The following STXBP5L variants were observed in gnomAD, a reference collection of about 807,000 sequenced individuals.
STXBP5L encodes the protein syntaxin binding protein 5L.
STXBP5L carries 65 observed loss-of-function variants against 144.5 expected under a neutral mutation model. The ratio of observed to expected loss-of-function variants is 0.45; its 90% CI spans 0.37 to 0.55. STXBP5L has a LOEUF of 0.55. Among genes scored for constraint, STXBP5L ranks in the 20% least tolerant of loss-of-function variants. The pLI is 0.00. For synonymous variants in STXBP5L, 505 were observed against 469.6 expected (o/e 1.08, Z -0.97); for missense variants, 1,298 against 1,405.5 (o/e 0.92, Z 1.22).
At chr3:121,293,023 T>C (rs2051502787) in intron 19 of STXBP5L, among the ~76,000 whole-genome samples, 1 of 151,948 alleles carries the variant, frequency 6.6e-6, no homozygotes, top group Non-Finnish European at 1.5e-5. Context: ...TAAAAACCTA[T>C]TAAAACGAAA....
At chr3:121,399,970 T>C (rs1223109028) in intron 22 of STXBP5L, among the ~76,000 whole-genome samples, 1 of 152,236 alleles carries the variant, frequency 6.6e-6, no homozygotes, top group Non-Finnish European at 1.5e-5. Flanking sequence ...TCAGTAGGTC[T>C]GAGGGAGGGT....
chr3:121,099,790 C>A (rs2043319357), intron 5 of STXBP5L: 1 of 152,136 alleles, frequency 6.6e-6, no homozygotes, highest in African/African-American at 2.4e-5. Flanking sequence ...AAATGCCCCA[C>A]TTAAAAGGCA....
intron 4 of STXBP5L, 77 bp downstream of exon 4, chr3:121,041,858 TA>T: frequency 1.0e-6 from 1 of 961,978 alleles, no homozygotes; most frequent in Admixed American, 1.9e-5. Context: ...ATCTTTTAAA[TA>T]CTGTGATTCT....
In STXBP5L at chr3:121,257,305, G is replaced by A. The variant is rs373758045; in HGVS notation, c.1804G>A (p.Val602Ile). The change falls in exon 17 of 27, where the codon GTA becomes ATA. Residue 602 changes from valine (V) to isoleucine (I), a missense_variant. By Grantham distance (29) the Val-to-Ile change is conservative. Coordinates refer to ENST00000471454, the MANE Select transcript of STXBP5L (RefSeq NM_001308330.2). ...CACTAACACTGTTGCTAGTGAAGGA[G>A]TAACAAAGGACAGTATTCCATGCCT... Reference protein sequence around the residue: ...GSTNTVASEGVTKDSIPCLNV... With the variant: ...GSTNTVASEGITKDSIPCLNV... 3.7e-5 allele frequency: 59 copies of A among 1,613,176 alleles called. No homozygotes were observed. The highest frequency in any genetic ancestry group is 4.8e-5 in the Non-Finnish European group (57 of 1,179,530).
chr3:121,067,642 G>C (rs941258063), intron 5 of STXBP5L, among the ~76,000 whole-genome samples: 3 of 152,082 alleles, frequency 2.0e-5, no homozygotes, highest in African/African-American at 7.2e-5. Flanking sequence ...TAATTGTGTT[G>C]TTAGATCTGT....
chr3:120,982,506 G>A (rs1028477271), intron 3 of STXBP5L, among the ~76,000 whole-genome samples: 4 of 152,178 alleles, frequency 2.6e-5, no homozygotes, highest in African/African-American at 9.7e-5. Flanking sequence ...CCCTGTCCCA[G>A]GGCTCATGAC....
intron 13 of STXBP5L, among the ~76,000 whole-genome samples, chr3:121,239,399 TATACTA>T (rs1314132615): frequency 4.0e-5 from 6 of 150,590 alleles, no homozygotes; most frequent in South Asian, 2.1e-4. Context: ...AGTATGTACT[TATACTA>T]ATATATATTT....
intron 11 of STXBP5L, among the ~76,000 whole-genome samples, chr3:121,231,771 C>T (rs1281398274): frequency 1.3e-5 from 2 of 152,046 alleles, no homozygotes; most frequent in Non-Finnish European, 2.9e-5. Context: ...CAATGTAGTC[C>T]CTCTATTAAA....
At chr3:121,061,731 T>C (rs2107632325) in intron 5 of STXBP5L, among the ~76,000 whole-genome samples, 1 of 152,346 alleles carries the variant, frequency 6.6e-6, no homozygotes, top group East Asian at 1.9e-4. Context: ...AATGCCCTTC[T>C]TTGTCTCTGT....
intron 22 of STXBP5L, among the ~76,000 whole-genome samples, chr3:121,390,276 T>G (rs946613866): frequency 6.6e-6 from 1 of 152,170 alleles, no homozygotes; most frequent in African/African-American, 2.4e-5. Flanking sequence ...TGAGCCTATG[T>G]GCGTCTTTGC....
intron 3 of STXBP5L, among the ~76,000 whole-genome samples, chr3:121,029,501 C>T (rs189430414): frequency 6.6e-6 from 1 of 152,238 alleles, no homozygotes; most frequent in African/African-American, 2.4e-5. Context: ...AAACTGGACC[C>T]TTTCCTTACA....
At chr3:120,978,565 C>A (rs1254266579) in intron 3 of STXBP5L, among the ~76,000 whole-genome samples, 1 of 152,228 alleles carries the variant, frequency 6.6e-6, no homozygotes, top group Non-Finnish European at 1.5e-5. Context: ...ATTCTCCATC[C>A]AGGTTTGTTC....
At chr3:121,011,665 A>T (rs548277119) in intron 3 of STXBP5L, among the ~76,000 whole-genome samples, 1 of 149,668 alleles carries the variant, frequency 6.7e-6, no homozygotes, top group Non-Finnish European at 1.5e-5. Flanking sequence ...TTCACTTTTA[A>T]AAAAAAAAAG....
chr3:121,352,368 G>T (rs965286259), intron 20 of STXBP5L, among the ~76,000 whole-genome samples: 2 of 152,030 alleles, frequency 1.3e-5, no homozygotes, highest in Non-Finnish European at 2.9e-5. Context: ...TTGAGCAGTG[G>T]TTTGTAGTTC....
intron 14 of STXBP5L, among the ~76,000 whole-genome samples, chr3:121,245,402 A>T (rs915449283): frequency 2.0e-5 from 3 of 151,720 alleles, no homozygotes; most frequent in Non-Finnish European, 4.4e-5. Flanking sequence ...AGAAAGTCAA[A>T]ATAACCACAT....
intron 5 of STXBP5L, among the ~76,000 whole-genome samples, chr3:121,081,981 T>C (rs766127700): frequency 1.3e-5 from 2 of 152,236 alleles, no homozygotes; most frequent in Non-Finnish European, 2.9e-5. Context: ...TTTATGTGTC[T>C]GTCCCTCTGC....
At position 121,145,179 on chromosome 3, in the gene STXBP5L, A is replaced by G. The variant is rs533477875; in HGVS notation, c.670-7298A>G. Among the ~76,000 whole-genome samples, 89 of 152,024 alleles carry G rather than the reference A, an allele frequency of 5.9e-4. 4 individuals carry two copies. Among genetic ancestry groups the G allele is most frequent in the South Asian group, 4.4e-3 (21 of 4,824 alleles). On this transcript the variant is annotated intron_variant, in intron 7 of 26. Coordinates refer to ENST00000471454, the MANE Select transcript of STXBP5L (RefSeq NM_001308330.2). ...TCTCATGTTCAGTGTTCTTACTACA[A>G]TAAAATAAAATATTAATGGAAAAAT...
chr3:121,182,513 G>A (rs374346123), intron 9 of STXBP5L, among the ~76,000 whole-genome samples: 37 of 152,028 alleles, frequency 2.4e-4, no homozygotes, highest in African/African-American at 8.9e-4. Context: ...TTGGGATAAA[G>A]CAAAGCTGTG....
Position 121,422,390 on chromosome 3 carries a change from T to C in STXBP5L, c.*3293T>C, listed in dbSNP as rs371087136. On this transcript the variant is annotated 3_prime_UTR_variant, in exon 27 of 27. Transcript: ENST00000471454. ...TGACCTTGTCTCCCTATGATTTCCTTGGAAGATAAGGCCTTTTTAGTGTTA... is the reference window on the plus strand; with the variant it reads ...TGACCTTGTCTCCCTATGATTTCCTCGGAAGATAAGGCCTTTTTAGTGTTA... The C allele has an allele frequency of 1.3e-5, 2 of 152,290 alleles. No individual in the cohort carries two copies. The highest frequency in any genetic ancestry group is 2.1e-4 in the South Asian group (1 of 4,826). 9.4% of individuals were successfully genotyped at this position (152,290 alleles called of 1,614,324 possible).
Sources: allele counts gnomAD v4.1 joint callset (sites outside exome capture counted in the v4.1 genomes callset), GRCh38; gene constraint gnomAD v4.1.1; transcripts MANE v1.5; gene names NCBI Gene and HGNC (gene_info 2026-07-23, HGNC 2026-07-21).